Variants in TTYH1 observed in about 807,000 individuals in gnomAD.
The protein encoded by TTYH1 is tweety family member 1.
TTYH1 carries 33 observed loss-of-function variants against 61.2 expected under a neutral mutation model. That is an observed-to-expected ratio of 0.54 (90% CI 0.41 to 0.72). The LOEUF (loss-of-function observed/expected upper bound fraction) is 0.72, where lower values mean the gene tolerates loss of function less well. Among genes scored for constraint, TTYH1 ranks in the 30% least tolerant of loss-of-function variants. The pLI, the probability that TTYH1 is intolerant of heterozygous loss-of-function variation, is 0.00. For synonymous variants in TTYH1, 308 were observed against 266.4 expected (o/e 1.16, Z -1.52); for missense variants, 538 against 575.8 (o/e 0.93, Z 0.67).
intron 4 of TTYH1, among the ~76,000 whole-genome samples, chr19:54,425,154 A>T: frequency 6.6e-6 from 1 of 152,212 alleles, no homozygotes; most frequent in East Asian, 1.9e-4. Flanking sequence ...CTCTAGCCCG[A>T]TTGGGAGCGG....
intron 10 of TTYH1, 132 bp downstream of exon 10, chr19:54,431,323 T>C (rs2122938772): frequency 1.5e-6 from 1 of 663,498 alleles, no homozygotes. Context: ...GTTTATATGA[T>C]TTATCTGTCC....
rs150832529 is a variant in TTYH1 at position 54,435,578 on chromosome 19, G to A, written c.1162G>A (p.Ala388Thr). The part of the protein sequence containing the change: ...GAALRGLCED[A>T]LEGLLFLLLF... ...AGCCCTGCGGGGCCTGTGCGAAGAC[G>A]CCCTGGAAGGCCTGCTCTTCCTGCT... The change falls in exon 11 of 14, where the codon GCC becomes ACC. Residue 388 changes from alanine (A) to threonine (T), a missense_variant. Physicochemically the swap from Ala to Thr is moderately conservative, Grantham distance 58. Transcript: ENST00000376530. 104 of 1,609,738 alleles carry A rather than the reference G, an allele frequency of 6.5e-5. 1 individual carries two copies. Among genetic ancestry groups the A allele is most frequent in the Non-Finnish European group, 7.0e-5 (83 of 1,179,406 alleles).
chr19:54,415,499 C>A lies in TTYH1; in HGVS notation c.-54C>A. ...CGCGCCGCCCGCGCCCCGCTCGACT[C>A]CGGAGGCTCCCGCAGCCCCGGCGTC... On this transcript the variant is annotated 5_prime_UTR_variant, in exon 1 of 14. Transcript: ENST00000376530. The surrounding 1 kb of genome is among the most constrained non-coding windows in gnomAD (Gnocchi z 5.2). 1 of 1,332,738 alleles carries A rather than the reference C, an allele frequency of 7.5e-7. No individual in the cohort carries two copies. The highest frequency in any genetic ancestry group is 1.8e-5 in the South Asian group (1 of 54,142). 82.6% of individuals were successfully genotyped at this position (1,332,738 alleles called of 1,614,324 possible).
In TTYH1 at chr19:54,430,922, T is replaced by C. The variant is rs372871383; in HGVS notation, c.1032+17T>C. ...TCAGCGCAGGTCGGTGGGTGGGCGC[T>C]CCCCAGACACGCGGACCCCACGGGG... On this transcript the variant is annotated intron_variant, in intron 9 of 13. Coordinates refer to ENST00000376530, the MANE Select transcript of TTYH1 (RefSeq NM_020659.4). The C allele has an allele frequency of 3.6e-5, 58 of 1,607,256 alleles. No homozygotes were observed. The Middle Eastern group carries it at 5.0e-4, about 14-fold the overall frequency.
At chr19:54,431,024 G>T in intron 9 of TTYH1, 75 bp from the exon 10 acceptor site, 1 of 1,490,528 alleles carries the variant, frequency 6.7e-7, no homozygotes. Context: ...GTTGTGGGCG[G>T]GGACGCAGGG....
intron 10 of TTYH1, 34 bp downstream of exon 10, chr19:54,431,225 C>CG (rs550867383): frequency 5.3e-6 from 8 of 1,513,334 alleles, no homozygotes; most frequent in East Asian, 2.3e-5. Flanking sequence ...TCTTCTCCCA[C>CG]GGGGGGCCTC....
chr19:54,416,105 C>A lies in TTYH1; in HGVS notation c.126+427C>A, dbSNP rs2083072992. 25 of 1,298,250 alleles carry A rather than the reference C, an allele frequency of 1.9e-5. No individual in the cohort carries two copies. The highest frequency in any genetic ancestry group is 2.4e-5 in the Non-Finnish European group (24 of 984,016). 80.4% of individuals were successfully genotyped at this position (1,298,250 alleles called of 1,614,324 possible). On this transcript the variant is annotated intron_variant, in intron 1 of 13. Transcript: ENST00000376530. This position sits in a 1 kb window ranked among gnomAD's most constrained non-coding sequence, Gnocchi z 7.0. Reference sequence around the variant, plus strand: ...AGATAAGGTGGGACCCAGGAGACAGCGGACCTGATAACGGTGGCGGGGAAA... The same window carrying A: ...AGATAAGGTGGGACCCAGGAGACAGAGGACCTGATAACGGTGGCGGGGAAA...
At position 54,422,235 on chromosome 19, in the gene TTYH1, C is replaced by T; in HGVS notation, c.463C>T (p.Leu155=). The T allele has an allele frequency of 3.2e-6, 5 of 1,567,388 alleles. No individual in the cohort carries two copies. The highest frequency in any genetic ancestry group is 2.3e-5 in the East Asian group (1 of 43,224). The change falls in exon 4 of 14, where the codon CTG becomes TTG. Residue 155 remains leucine (L), a synonymous_variant. Transcript: ENST00000376530. Reference sequence around the variant, plus strand: ...GCTGGGCGAGGCGGTGAGGACAGAGCTGACCACCCTGGAGGAGGTGCTCGA... The same window carrying T: ...GCTGGGCGAGGCGGTGAGGACAGAGTTGACCACCCTGGAGGAGGTGCTCGA... The part of the protein sequence containing the change: ...ERLGEAVRTE[L]TTLEEVLEPR...
At chr19:54,435,506 G>C (rs769723310) in intron 10 of TTYH1, 36 bp from the exon 11 acceptor site, 36 of 1,558,838 alleles carry the variant, frequency 2.3e-5, no homozygotes, top group African/African-American at 4.1e-5. Flanking sequence ...GGGGGAGGGG[G>C]TGGGGACGCA....
rs936820982 is a variant in TTYH1, at chr19:54,428,079, G to GTTTT, written c.735-1204_735-1201dup. Among the ~76,000 whole-genome samples, 46 of 62,476 alleles carry GTTTT rather than the reference G, an allele frequency of 7.4e-4. 2 individuals carry two copies. The highest frequency in any genetic ancestry group is 1.4e-3 in the African/African-American group (20 of 14,438). The allele number at this position is 62,476 out of a possible 152,430, so 41.0% of individuals were successfully genotyped here. The stretch of plus-strand genomic sequence containing the variant: ...GGCTTATGCCACCACTCCCGGCTAA[G>GTTTT]TTTTTTTTTTTTTTTTTTTTTTTTT... On this transcript the variant is annotated intron_variant, in intron 5 of 13. Coordinates refer to ENST00000376530, the MANE Select transcript of TTYH1 (RefSeq NM_020659.4).
chr19:54,429,479 T>G lies in TTYH1; in HGVS notation c.807+100T>G. 2 of 1,112,416 alleles carry G rather than the reference T, an allele frequency of 1.8e-6. No individual in the cohort carries two copies. Among genetic ancestry groups the G allele is most frequent in the Non-Finnish European group, 2.7e-6 (2 of 744,108 alleles). The allele number at this position is 1,112,416 out of a possible 1,614,324, so 68.9% of individuals were successfully genotyped here. A position where few individuals can be genotyped will look rare whatever the true frequency, so the allele number is the denominator to read the frequency against. ...GGCATGGCTTAGTAGAGAAAGGAAT[T>G]GGGGGGCACGATCACAGCTCTGAGG... On this transcript the variant is annotated intron_variant, in intron 6 of 13. Coordinates refer to ENST00000376530, the MANE Select transcript of TTYH1 (RefSeq NM_020659.4). The surrounding 1 kb of genome is among the most constrained non-coding windows in gnomAD (Gnocchi z 5.1).
Position 54,416,190 on chromosome 19 carries a change from AG to A in TTYH1, c.126+516del. On this transcript the variant is annotated intron_variant, in intron 1 of 13. Coordinates refer to ENST00000376530, the MANE Select transcript of TTYH1 (RefSeq NM_020659.4). This position sits in a 1 kb window ranked among gnomAD's most constrained non-coding sequence, Gnocchi z 7.0. ...AGTCTGAAATGGGGAAGGGGGCTTC[AG>A]GGGCTGAGGACCAGGGCTGGAAAAT... The A allele has an allele frequency of 1.5e-6, 1 of 667,650 alleles. No individual in the cohort carries two copies. Among genetic ancestry groups the A allele is most frequent in the Non-Finnish European group, 2.4e-6 (1 of 419,668 alleles). The allele number at this position is 667,650 out of a possible 1,614,324, so 41.4% of individuals were successfully genotyped here.
In TTYH1 at chr19:54,423,051, G is replaced by A. The variant is rs531529497; in HGVS notation, c.638+641G>A. On this transcript the variant is annotated intron_variant, in intron 4 of 13. Coordinates refer to ENST00000376530, the MANE Select transcript of TTYH1 (RefSeq NM_020659.4). ...CCATTCACTCACTCACCCCCTCCAC[G>A]TCACTCCACTCACTTATTCACACAT... 2.5e-3 allele frequency among the ~76,000 whole-genome samples: 381 copies of A among 151,166 alleles called. 2 individuals are homozygous for A. Among genetic ancestry groups the A allele is most frequent in the African/African-American group, 8.8e-3 (363 of 41,128 alleles).
chr19:54,432,432 G>A (rs1032794848), intron 10 of TTYH1: 3 of 152,234 alleles, frequency 2.0e-5, no homozygotes, highest in Non-Finnish European at 2.9e-5. Context: ...GTTAGAAGAT[G>A]AGGAGCAGAG....
chr19:54,425,894 T>G (rs563188075), intron 4 of TTYH1, among the ~76,000 whole-genome samples: 1 of 152,146 alleles, frequency 6.6e-6, no homozygotes, highest in African/African-American at 2.4e-5. Context: ...TGTTGTATTT[T>G]TAGTAAAGAC....
rs2083082221 is a variant in TTYH1, at chr19:54,416,579, GGCTCCGTCTTGGGTT to G, written c.126+907_126+921del. On this transcript the variant is annotated intron_variant, in intron 1 of 13. Coordinates refer to ENST00000376530, the MANE Select transcript of TTYH1 (RefSeq NM_020659.4). This position sits in a 1 kb window ranked among gnomAD's most constrained non-coding sequence, Gnocchi z 7.0. The stretch of plus-strand genomic sequence containing the variant: ...CCTGCTGATGGGGCCTGAGCCCCTG[GGCTCCGTCTTGGGTT>G]GCTCCTGGGAGAAGGGGGCTGGGAT... 2.5e-6 allele frequency: 1 copy of G among 396,386 alleles called. No individual in the cohort carries two copies. The highest frequency in any genetic ancestry group is 2.1e-5 in the South Asian group (1 of 48,350). 24.6% of individuals were successfully genotyped at this position (396,386 alleles called of 1,614,324 possible).
chr19:54,418,458 TTG>T (rs1329142560), intron 1 of TTYH1: 1 of 152,532 alleles, frequency 6.6e-6, no homozygotes, highest in Non-Finnish European at 1.5e-5. Flanking sequence ...CTTTTTTTGG[TTG>T]TGTCTTTCTG....
chr19:54,429,416 C>T lies in TTYH1; in HGVS notation c.807+37C>T. On this transcript the variant is annotated intron_variant, in intron 6 of 13. Transcript: ENST00000376530. The surrounding 1 kb of genome is among the most constrained non-coding windows in gnomAD (Gnocchi z 5.1). ...GGCCGGGCCATTGGGCTCTGGGACT[C>T]AGGGGGCCTGGAGACTTCAACTTCT... The T allele has an allele frequency of 6.3e-7, 1 of 1,595,640 alleles. No individual in the cohort carries two copies. Among genetic ancestry groups the T allele is most frequent in the African/African-American group, 1.3e-5 (1 of 74,600 alleles).
At position 54,419,743 on chromosome 19, in the gene TTYH1, T is replaced by C. The variant is rs73606750; in HGVS notation, c.305+437T>C. On this transcript the variant is annotated intron_variant, in intron 2 of 13. Transcript: ENST00000376530. This position sits in a 1 kb window ranked among gnomAD's most constrained non-coding sequence, Gnocchi z 6.1. ...GACTTGCAGCTACTCTCAGCCAACA[T>C]TAACTGGTGATGTCTGTCATTCCGT... Among the ~76,000 whole-genome samples the C allele has an allele frequency of 0.028, 4,329 of 152,232 alleles. 187 individuals are homozygous for C. The highest frequency in any genetic ancestry group is 0.097 in the African/African-American group (4,013 of 41,522).
Sources: gnomAD v4.1 joint callset for allele counts (sites outside exome capture counted in the v4.1 genomes callset) on GRCh38, gnomAD v4.1.1 for gene constraint, Gnocchi (gnomAD v3.1) non-coding constraint, MANE v1.5 for transcripts, NCBI Gene and HGNC (gene_info 2026-07-23, HGNC 2026-07-21) for gene names.